The following ENTHD1 variants were observed in gnomAD, a reference collection of about 807,000 sequenced individuals.
ENTHD1 encodes the protein ENTH domain-containing protein 1.
ENTHD1 carries 23 observed loss-of-function variants against 39.1 expected under a neutral mutation model. The observed-to-expected ratio is 0.59, with a 90% CI of 0.42 to 0.83. The LOEUF is 0.83. Ranked by LOEUF, ENTHD1 falls within the 40% of genes least tolerant of loss-of-function variation. ENTHD1 has a pLI of 0.00. For synonymous variants in ENTHD1, 230 were observed against 258.2 expected (o/e 0.89, Z 1.05); for missense variants, 624 against 705.4 (o/e 0.88, Z 1.31).
chr22:39,786,319 G>T (rs973455852), intron 5 of ENTHD1, among the ~76,000 whole-genome samples: 2 of 152,148 alleles, frequency 1.3e-5, no homozygotes, highest in African/African-American at 2.4e-5. Context: ...TATACATCGT[G>T]AAGTGATTAA....
intron 5 of ENTHD1, among the ~76,000 whole-genome samples, chr22:39,818,529 G>A (rs1432009409): frequency 1.3e-5 from 2 of 152,212 alleles, no homozygotes; most frequent in South Asian, 2.1e-4. Context: ...AGTACTGGCA[G>A]TTTTAGGTGA....
chr22:39,877,316 A>T (rs536301770), intron 2 of ENTHD1, among the ~76,000 whole-genome samples: 52 of 152,128 alleles, frequency 3.4e-4, no homozygotes, highest in African/African-American at 1.2e-3. Flanking sequence ...AGAAACGGAT[A>T]AAAAAAAGGA....
rs533299791 is a variant in ENTHD1, at chr22:39,873,901, C to A, written c.350-11894G>T. ...AAAGGCATTAACCATATGTATTAGT[C>A]CACTTTCACACTGCTGATAAAGACA... On this transcript the variant is annotated intron_variant, in intron 2 of 6. Coordinates refer to ENST00000325157, the MANE Select transcript of ENTHD1 (RefSeq NM_152512.4). Among the ~76,000 whole-genome samples, 5 of 152,300 alleles carry A rather than the reference C, an allele frequency of 3.3e-5. No individual in the cohort carries two copies. In the East Asian group the frequency reaches 9.6e-4, roughly 29 times the overall value.
At chr22:39,826,529 C>T (rs568104477) in intron 4 of ENTHD1, among the ~76,000 whole-genome samples, 3 of 151,998 alleles carry the variant, frequency 2.0e-5, no homozygotes, top group East Asian at 1.9e-4. Context: ...GATTTCAAAC[C>T]TTTCCTCTTT....
intron 2 of ENTHD1, among the ~76,000 whole-genome samples, chr22:39,884,394 G>C (rs974422844): frequency 1.3e-5 from 2 of 152,074 alleles, no homozygotes; most frequent in African/African-American, 2.4e-5. Flanking sequence ...TGGCCAGGCT[G>C]GTCTTGACCT....
At chr22:39,811,850 G>A (rs902271146) in intron 5 of ENTHD1, among the ~76,000 whole-genome samples, 21 of 151,658 alleles carry the variant, frequency 1.4e-4, no homozygotes, top group African/African-American at 2.4e-5. Context: ...GTGGTGGTGG[G>A]CGCCTGTAGT....
In ENTHD1 at chr22:39,753,037, A is replaced by G. The variant is rs112695156; in HGVS notation, c.1220-8754T>C. Among the ~76,000 whole-genome samples, 43 of 152,368 alleles carry G rather than the reference A, an allele frequency of 2.8e-4. 1 individual carries two copies. Among genetic ancestry groups the G allele is most frequent in the African/African-American group, 9.6e-4 (40 of 41,598 alleles). On this transcript the variant is annotated intron_variant, in intron 6 of 6. Transcript: ENST00000325157. ...CACTTTCAAAGGTGGACTGAAAAAC[A>G]GGTATCTAGAACAAGTACTAGTGAA... is the stretch of plus-strand genomic sequence containing the variant.
intron 2 of ENTHD1, among the ~76,000 whole-genome samples, chr22:39,869,999 A>ATTTATTTG (rs2066228227): frequency 6.8e-6 from 1 of 146,570 alleles, no homozygotes; most frequent in Non-Finnish European, 1.5e-5. Context: ...TTATTTATTT[A>ATTTATTTG]TTTATTTATT....
At position 39,743,662 on chromosome 22, in the gene ENTHD1, A is replaced by C. The variant is rs927884828; in HGVS notation, c.*17T>G. On this transcript the variant is annotated 3_prime_UTR_variant, in exon 7 of 7. Transcript: ENST00000325157. Reference sequence around the variant, plus strand: ...GTGGAACCACACGAGTTCTATCAAAAATAGATATTGTGATGATTAGATCTG... The same window carrying C: ...GTGGAACCACACGAGTTCTATCAAACATAGATATTGTGATGATTAGATCTG... 4 of 1,561,974 alleles carry C rather than the reference A, an allele frequency of 2.6e-6. No individual in the cohort carries two copies. The African/African-American group carries it at 5.5e-5, about 21-fold the overall frequency.
intron 5 of ENTHD1, among the ~76,000 whole-genome samples, chr22:39,793,973 T>C (rs918368670): frequency 6.6e-6 from 1 of 152,210 alleles, no homozygotes; most frequent in Non-Finnish European, 1.5e-5. Flanking sequence ...GATTTTAGGA[T>C]TGTCTTTTCC....
intron 2 of ENTHD1, among the ~76,000 whole-genome samples, chr22:39,883,410 C>A (rs1411769794): frequency 2.0e-5 from 3 of 152,088 alleles, no homozygotes; most frequent in African/African-American, 7.2e-5. Flanking sequence ...AAGACAACTT[C>A]TTTCATGATA....
chr22:39,824,608 T>G (rs1012076898), intron 4 of ENTHD1, among the ~76,000 whole-genome samples: 4 of 152,162 alleles, frequency 2.6e-5, no homozygotes, highest in Non-Finnish European at 5.9e-5. Context: ...CTATACAAGG[T>G]TTAGGTTGAG....
intron 6 of ENTHD1, among the ~76,000 whole-genome samples, chr22:39,748,604 T>C (rs1271061532): frequency 6.6e-6 from 1 of 151,904 alleles, no homozygotes; most frequent in Non-Finnish European, 1.5e-5. Flanking sequence ...TTTGTGTTTT[T>C]AGTAGAGACG....
At chr22:39,883,003 CAAAAA>C (rs58964198) in intron 2 of ENTHD1, among the ~76,000 whole-genome samples, 1 of 48,288 alleles carries the variant, frequency 2.1e-5, no homozygotes, top group African/African-American at 6.5e-5. Context: ...GACTTCATCT[CAAAAA>C]AAAAAAAAAA....
At chr22:39,789,610 A>G (rs2065488104) in intron 5 of ENTHD1, among the ~76,000 whole-genome samples, 1 of 152,172 alleles carries the variant, frequency 6.6e-6, no homozygotes, top group Non-Finnish European at 1.5e-5. Flanking sequence ...TCAGGTACTA[A>G]ATTATTCTGG....
At chr22:39,848,317 A>T (rs1322212163) in intron 3 of ENTHD1, among the ~76,000 whole-genome samples, 2 of 151,146 alleles carry the variant, frequency 1.3e-5, no homozygotes, top group African/African-American at 2.4e-5. Flanking sequence ...GCAGTGGCAC[A>T]ATCTTGGCTC....
rs144365928 is a variant in ENTHD1, at chr22:39,746,367, A to G, written c.1220-2084T>C. Among the ~76,000 whole-genome samples, 1,045 of 152,038 alleles carry G rather than the reference A, an allele frequency of 6.9e-3. 7 individuals are homozygous for G. Among genetic ancestry groups the G allele is most frequent in the Admixed American group, 0.011 (163 of 15,270 alleles). ...GTAATGTCTTGTTCTTGTTTCACAT[A>G]CTGTATTCTCTTATTTCTTTGAGGA... is the stretch of plus-strand genomic sequence containing the variant. On this transcript the variant is annotated intron_variant, in intron 6 of 6. Coordinates refer to ENST00000325157, the MANE Select transcript of ENTHD1 (RefSeq NM_152512.4).
intron 5 of ENTHD1, among the ~76,000 whole-genome samples, chr22:39,803,717 G>T (rs1469630049): frequency 6.6e-6 from 1 of 151,940 alleles, no homozygotes; most frequent in African/African-American, 2.4e-5. Context: ...TCTAATTTAG[G>T]GTGTTAATTT....
Position 39,861,917 on chromosome 22 carries a change from G to T in ENTHD1, c.440C>A (p.Thr147Asn). 2 of 1,601,696 alleles carry T rather than the reference G, an allele frequency of 1.2e-6. No homozygotes were observed. The highest frequency in any genetic ancestry group is 1.7e-6 in the Non-Finnish European group (2 of 1,171,622). Residue 147 changes from threonine to asparagine, a missense_variant, in exon 3 of 7, where the codon ACT (threonine) becomes AAT (asparagine). Coordinates refer to ENST00000325157, the MANE Select transcript of ENTHD1 (RefSeq NM_152512.4). ...TATAGAGTGGGAGGTACGCTGTCTA[G>T]TCCGACATGCCACTTCCCTCTCTTT... The part of the protein sequence containing the change: ...LCKEREVACR[T>N]RQRTSHSILF...
Sources: allele counts gnomAD v4.1 joint callset (sites outside exome capture counted in the v4.1 genomes callset), GRCh38; gene constraint gnomAD v4.1.1; transcripts MANE v1.5; gene names NCBI Gene and HGNC (gene_info 2026-07-23, HGNC 2026-07-21).